Variants in CFC1 observed in about 807,000 individuals in gnomAD.
CFC1 encodes cryptic, EGF-CFC family member 1, also known as cryptic protein.
For synonymous variants in CFC1, 8 were observed against 50.7 expected, an observed-to-expected ratio of 0.16 and a Z score of 3.58; for missense variants, 14 against 120.0, an observed-to-expected ratio of 0.12 and a Z score of 4.13.
intron 5 of CFC1, among the ~76,000 whole-genome samples, chr2:130,596,473 CAT>C (rs1243382685): frequency 1.3e-5 from 2 of 149,896 alleles, no homozygotes; most frequent in African/African-American, 2.5e-5. Context: ...AAGGAGCACA[CAT>C]AGAAGAGGGG....
At chr2:130,594,043 C>T (rs1684896169) in intron 5 of CFC1, among the ~76,000 whole-genome samples, 1 of 147,424 alleles carries the variant, frequency 6.8e-6, no homozygotes, top group African/African-American at 2.6e-5. Flanking sequence ...CTGCCCTGCC[C>T]TCTGCTATAC....
In CFC1 at chr2:130,592,352, G is replaced by C. The variant is rs1684831865; in HGVS notation, c.*525C>G. ...GATTTAAAAAGCTGAAGAGCTCAAT[G>C]CAAGTGCCCTCTACCCGAAGTGTGT... On this transcript the variant is annotated 3_prime_UTR_variant, in exon 6 of 6. Coordinates refer to ENST00000259216, the MANE Select transcript of CFC1 (RefSeq NM_032545.4). 1 of 238,518 alleles carries C rather than the reference G, an allele frequency of 4.2e-6. No individual in the cohort carries two copies. Among genetic ancestry groups the C allele is most frequent in the African/African-American group, 2.3e-5 (1 of 42,824 alleles). 14.8% of individuals were successfully genotyped at this position (238,518 alleles called of 1,614,324 possible).
rs1238810144 is a variant in CFC1 at position 130,592,768 on chromosome 2, C to CCCA, written c.*108_*109insTGG. The CCCA allele has an allele frequency of 3.0e-5, 6 of 202,276 alleles. No homozygotes were observed. The Admixed American group carries it at 3.3e-4, about 11-fold the overall frequency. The allele number at this position is 202,276 out of a possible 1,614,324, so 12.5% of individuals were successfully genotyped here. On this transcript the variant is annotated 3_prime_UTR_variant, in exon 6 of 6. Coordinates refer to ENST00000259216, the MANE Select transcript of CFC1 (RefSeq NM_032545.4). ...ACACACGTGTCCCTCTCCCAAGGAT[C>CCCA]TGGAGCCAAAGGCGCTTTCATGAAA...
intron 5 of CFC1, among the ~76,000 whole-genome samples, chr2:130,596,965 G>A (rs1282675593): frequency 6.7e-6 from 1 of 148,290 alleles, no homozygotes; most frequent in Non-Finnish European, 1.5e-5. Flanking sequence ...CCTGGGAGAG[G>A]GCAGAGCTCG....
In CFC1 at chr2:130,592,603, TC is replaced by T. The variant is rs1434226617; in HGVS notation, c.*273del. The T allele has an allele frequency of 5.1e-5, 8 of 156,780 alleles. No homozygotes were observed. The highest frequency in any genetic ancestry group is 1.8e-4 in the African/African-American group (6 of 34,168). 9.7% of individuals were successfully genotyped at this position (156,780 alleles called of 1,614,324 possible). ...TGCGGTGGGTTCCACAGCAGACGCTTCCCCCTTAAGGGAGATGTTGTGAAAG... is the reference window on the plus strand; with the variant it reads ...TGCGGTGGGTTCCACAGCAGACGCTTCCCCTTAAGGGAGATGTTGTGAAAG... On this transcript the variant is annotated 3_prime_UTR_variant, in exon 6 of 6. Coordinates refer to ENST00000259216, the MANE Select transcript of CFC1 (RefSeq NM_032545.4).
Position 130,592,300 on chromosome 2 carries a change from T to C in CFC1, c.*577A>G, listed in dbSNP as rs1248831684. The C allele has an allele frequency of 1.8e-5, 3 of 169,098 alleles. No homozygotes were observed. Among genetic ancestry groups the C allele is most frequent in the Admixed American group, 1.1e-4 (2 of 18,370 alleles). 10.5% of individuals were successfully genotyped at this position (169,098 alleles called of 1,614,324 possible). ...ACAATATAAAATGTAAAAGTAATTA[T>C]GTCACACAGGCTCATGAACTACAGT... On this transcript the variant is annotated 3_prime_UTR_variant, in exon 6 of 6. Transcript: ENST00000259216.
chr2:130,595,456 G>A (rs1352489031), intron 5 of CFC1, among the ~76,000 whole-genome samples: 1 of 148,452 alleles, frequency 6.7e-6, no homozygotes, highest in East Asian at 2.0e-4. Flanking sequence ...AATGGGCCGG[G>A]CACGGTGGCT....
chr2:130,593,944 G>A (rs1170482685), intron 5 of CFC1, among the ~76,000 whole-genome samples: 1 of 142,268 alleles, frequency 7.0e-6, no homozygotes, highest in African/African-American at 2.9e-5. Context: ...AGTGGGGTCA[G>A]GCTGGTAGAA....
intron 5 of CFC1, among the ~76,000 whole-genome samples, chr2:130,595,717 G>A (rs1237136165): frequency 1.2e-4 from 18 of 151,092 alleles, no homozygotes; most frequent in Admixed American, 5.2e-4. Context: ...CAGCCCGGGC[G>A]ACAGAGTGAG....
At chr2:130,594,132 C>T (rs1439826118) in intron 5 of CFC1, among the ~76,000 whole-genome samples, 3 of 151,696 alleles carry the variant, frequency 2.0e-5, no homozygotes, top group African/African-American at 7.3e-5. Flanking sequence ...TGCAGATGAA[C>T]ACCTGCAGCA....
In CFC1 at chr2:130,592,527, C is replaced by CA. The variant is rs1318047313; in HGVS notation, c.*349dup. 6.6e-6 allele frequency: 1 copy of CA among 151,832 alleles called. No homozygotes were observed. Among genetic ancestry groups the CA allele is most frequent in the Non-Finnish European group, 1.4e-5 (1 of 71,526 alleles). 9.4% of individuals were successfully genotyped at this position (151,832 alleles called of 1,614,324 possible). ...GACCTGAGAAGCGGTGCTCGGAAGACAGAGGAGGCTGGCCTGGCGCTCTTC... is the reference window on the plus strand; with the variant it reads ...GACCTGAGAAGCGGTGCTCGGAAGACAAGAGGAGGCTGGCCTGGCGCTCTTC... On this transcript the variant is annotated 3_prime_UTR_variant, in exon 6 of 6. Coordinates refer to ENST00000259216, the MANE Select transcript of CFC1 (RefSeq NM_032545.4).
In CFC1 at chr2:130,592,583, TG is replaced by T. The variant is rs1451482017; in HGVS notation, c.*293del. 10 of 153,984 alleles carry T rather than the reference TG, an allele frequency of 6.5e-5. No homozygotes were observed. In the East Asian group the frequency reaches 1.9e-3, roughly 28 times the overall value. 9.5% of individuals were successfully genotyped at this position (153,984 alleles called of 1,614,324 possible). A position where few individuals can be genotyped will look rare whatever the true frequency, so the allele number is the denominator to read the frequency against. On this transcript the variant is annotated 3_prime_UTR_variant, in exon 6 of 6. Coordinates refer to ENST00000259216, the MANE Select transcript of CFC1 (RefSeq NM_032545.4). ...GAACTCTGCCTGCGTTGCCTTGCGG[TG>T]GGTTCCACAGCAGACGCTTCCCCCT... is the stretch of plus-strand genomic sequence containing the variant.
Position 130,592,749 on chromosome 2 carries a change from G to GTGTCC in CFC1, c.*123_*127dup. On this transcript the variant is annotated 3_prime_UTR_variant, in exon 6 of 6. Transcript: ENST00000259216. ...GGTCACAGTGGTGCTGGGGACACAC[G>GTGTCC]TGTCCCTCTCCCAAGGATCTGGAGC... The GTGTCC allele has an allele frequency of 5.1e-6, 1 of 195,800 alleles. No homozygotes were observed. Among genetic ancestry groups the GTGTCC allele is most frequent in the Non-Finnish European group, 8.8e-6 (1 of 114,202 alleles). The allele number at this position is 195,800 out of a possible 1,614,324, so 12.1% of individuals were successfully genotyped here.
chr2:130,594,164 A>G (rs1234368978), intron 5 of CFC1, among the ~76,000 whole-genome samples: 2 of 151,702 alleles, frequency 1.3e-5, no homozygotes, highest in Non-Finnish European at 2.9e-5. Flanking sequence ...ACACCTGTCC[A>G]CAGGTAGGCT....
rs1186814688 is a variant in CFC1, at chr2:130,592,359, C to G, written c.*518G>C. On this transcript the variant is annotated 3_prime_UTR_variant, in exon 6 of 6. Transcript: ENST00000259216. ...AAAGCTGAAGAGCTCAATGCAAGTG[C>G]CCTCTACCCGAAGTGTGTGCTCTTG... 4.1e-6 allele frequency: 1 copy of G among 242,612 alleles called. No individual in the cohort carries two copies. Among genetic ancestry groups the G allele is most frequent in the Non-Finnish European group, 8.0e-6 (1 of 125,194 alleles). 15.0% of individuals were successfully genotyped at this position (242,612 alleles called of 1,614,324 possible). A position where few individuals can be genotyped will look rare whatever the true frequency, so the allele number is the denominator to read the frequency against.
chr2:130,593,061 AG>A lies in CFC1; in HGVS notation c.487del (p.Leu163TrpfsTer68). The A allele has an allele frequency of 1.8e-6, 1 of 545,248 alleles. No homozygotes were observed. The highest frequency in any genetic ancestry group is 3.2e-6 in the Non-Finnish European group (1 of 312,168). The allele number at this position is 545,248 out of a possible 1,614,324, so 33.8% of individuals were successfully genotyped here. The stretch of plus-strand genomic sequence containing the variant: ...GCTCGGCCCGTGAGCGTGGGAGGCC[AG>A]GAAGTCTTTCGGGTCTGGAAAAACA... ...TPDRCDPKDF[L>X]ASHAHGPSAG... On this transcript the variant is annotated frameshift_variant, in exon 6 of 6. Transcript: ENST00000259216. LOFTEE classifies it low-confidence loss of function (END_TRUNC).
At chr2:130,596,590 TG>T (rs1427821421) in intron 5 of CFC1, among the ~76,000 whole-genome samples, 2 of 149,380 alleles carry the variant, frequency 1.3e-5, no homozygotes, top group East Asian at 3.9e-4. Flanking sequence ...GAAGTGGGGT[TG>T]GGGGCTGTGC....
intron 3 of CFC1, among the ~76,000 whole-genome samples, chr2:130,598,432 CG>C (rs1262916553): frequency 1.7e-4 from 25 of 150,758 alleles, no homozygotes. Flanking sequence ...GCAAATACAA[CG>C]TTTTACCAAT....
At chr2:130,596,032 C>G (rs1684956013) in intron 5 of CFC1, among the ~76,000 whole-genome samples, 2 of 82,746 alleles carry the variant, frequency 2.4e-5, no homozygotes, top group African/African-American at 1.2e-4. Flanking sequence ...TAACCACCAT[C>G]AGCACAGCCA....
Sources: gnomAD v4.1 joint callset for allele counts (sites outside exome capture counted in the v4.1 genomes callset) on GRCh38, gnomAD v4.1.1 for gene constraint, MANE v1.5 for transcripts, NCBI Gene and HGNC (gene_info 2026-07-23, HGNC 2026-07-21) for gene names.